Variants in PRIMA1 observed in about 807,000 individuals in gnomAD.
PRIMA1 encodes proline rich membrane anchor 1, also known as proline-rich membrane anchor 1.
A neutral mutation model predicts 17.5 loss-of-function variants in PRIMA1; 7 were observed. That is an observed-to-expected ratio of 0.40 (90% CI 0.23 to 0.75). The LOEUF is 0.75. PRIMA1 is among the 30% of genes least tolerant of loss of function. The probability of loss-of-function intolerance (pLI) is 0.37; values close to 1 mark genes in which losing one functional copy is unlikely to be tolerated. For synonymous variants in PRIMA1, 97 were observed against 77.9 expected (o/e 1.25, Z -1.29); for missense variants, 200 against 201.8 (o/e 0.99, Z 0.05).
chr14:93,725,357 C>G (rs2076068204), intron 4 of PRIMA1, among the ~76,000 whole-genome samples: 1 of 152,134 alleles, frequency 6.6e-6, no homozygotes, highest in African/African-American at 2.4e-5. Context: ...AGTCCCCAAC[C>G]ACTCTCCTGC....
At chr14:93,759,613 AG>A (rs2076314569) in intron 3 of PRIMA1, among the ~76,000 whole-genome samples, 1 of 151,960 alleles carries the variant, frequency 6.6e-6, no homozygotes, top group African/African-American at 2.4e-5. Flanking sequence ...CTAGAGAGGG[AG>A]GGGAGGGAAA....
intron 2 of PRIMA1, among the ~76,000 whole-genome samples, chr14:93,785,142 C>G (rs2141198803): frequency 6.9e-6 from 1 of 144,320 alleles, no homozygotes; most frequent in South Asian, 2.2e-4. Context: ...GAGACATACT[C>G]CTGTCACACC....
intron 3 of PRIMA1, among the ~76,000 whole-genome samples, chr14:93,763,400 A>C (rs1474370960): frequency 6.6e-6 from 1 of 151,870 alleles, no homozygotes; most frequent in African/African-American, 2.4e-5. Context: ...AGGCCAGCTC[A>C]CCCTTCTGAG....
chr14:93,747,214 T>A (rs2076223812), intron 3 of PRIMA1, among the ~76,000 whole-genome samples: 1 of 152,168 alleles, frequency 6.6e-6, no homozygotes, highest in East Asian at 1.9e-4. Context: ...GCCCAAGCCA[T>A]CCGGTCCTGC....
At chr14:93,730,022 C>A (rs2076103498) in intron 4 of PRIMA1, among the ~76,000 whole-genome samples, 1 of 152,126 alleles carries the variant, frequency 6.6e-6, no homozygotes, top group South Asian at 2.1e-4. Context: ...ATTTCACTCA[C>A]CCAGATAGAG....
intron 3 of PRIMA1, among the ~76,000 whole-genome samples, chr14:93,761,313 T>C (rs533080048): frequency 3.3e-5 from 5 of 152,260 alleles, no homozygotes; most frequent in African/African-American, 1.2e-4. Context: ...ATTGTGCCAC[T>C]GCACTCCACC....
chr14:93,730,852 G>A (rs2076109373), intron 4 of PRIMA1, among the ~76,000 whole-genome samples: 1 of 152,148 alleles, frequency 6.6e-6, no homozygotes, highest in Non-Finnish European at 1.5e-5. Flanking sequence ...CTAAGGAGAT[G>A]AAAGACTGGA....
intron 3 of PRIMA1, among the ~76,000 whole-genome samples, chr14:93,764,967 T>C (rs926296529): frequency 6.6e-5 from 10 of 152,278 alleles, no homozygotes; most frequent in African/African-American, 1.9e-4. Context: ...CTCTCAGGCA[T>C]GTATGCACCA....
At chr14:93,764,847 G>T (rs1437747583) in intron 3 of PRIMA1, among the ~76,000 whole-genome samples, 1 of 152,160 alleles carries the variant, frequency 6.6e-6, no homozygotes, top group African/African-American at 2.4e-5. Flanking sequence ...GTGCCTTCCA[G>T]CCACATATAT....
intron 4 of PRIMA1, 125 bp from the exon 5 acceptor site, chr14:93,721,671 G>T: frequency 1.5e-6 from 1 of 656,864 alleles, no homozygotes; most frequent in East Asian, 2.7e-5. Context: ...TCAGAAGGAA[G>T]CCAATGGCTC....
At chr14:93,788,946 C>T (rs1885614008), upstream of PRIMA1, among the ~76,000 whole-genome samples, 2 of 152,156 alleles carry the variant, frequency 1.3e-5, no homozygotes, top group African/African-American at 4.8e-5. Flanking sequence ...TCACGCTGGC[C>T]CGCGAGAGGC....
Position 93,721,418 on chromosome 14 carries a change from G to A in PRIMA1, c.*26C>T. 6.6e-7 allele frequency: 1 copy of A among 1,506,366 alleles called. No individual in the cohort carries two copies. Among genetic ancestry groups the A allele is most frequent in the East Asian group, 2.2e-5 (1 of 44,446 alleles). 93.3% of individuals were successfully genotyped at this position (1,506,366 alleles called of 1,614,324 possible). ...ACCAGTGCCACCAAGGTGTCCCTCT[G>A]GCCAGCGGGTCCAGGGCCTGCAGAC... On this transcript the variant is annotated 3_prime_UTR_variant, in exon 5 of 5. Coordinates refer to ENST00000393140, the MANE Select transcript of PRIMA1 (RefSeq NM_178013.4).
chr14:93,747,415 G>A (rs1459949034), intron 3 of PRIMA1, among the ~76,000 whole-genome samples: 1 of 152,178 alleles, frequency 6.6e-6, no homozygotes, highest in Non-Finnish European at 1.5e-5. Flanking sequence ...GAGAGAATGA[G>A]AGGAAATGGA....
intron 3 of PRIMA1, among the ~76,000 whole-genome samples, chr14:93,746,086 C>T (rs2076215601): frequency 6.6e-6 from 1 of 152,066 alleles, no homozygotes; most frequent in African/African-American, 2.4e-5. Context: ...CGGGCTCAGC[C>T]TAGGAGGTCG....
In PRIMA1 at chr14:93,787,706, C is replaced by T. The variant is rs1457017587; in HGVS notation, c.13G>A (p.Asp5Asn). The change falls in exon 2 of 5, where the codon GAC (aspartate) becomes AAC (asparagine). Residue 5 changes from aspartate to asparagine, a missense_variant. By Grantham distance (23) the Asp-to-Asn change is conservative (BLOSUM62 1). Coordinates refer to ENST00000393140, the MANE Select transcript of PRIMA1 (RefSeq NM_178013.4). MLLRDLVLRRGCCWS... is the reference protein window; with the variant it reads MLLRNLVLRRGCCWS... ...CAGCAGCCACGGCGCAGCACCAAGT[C>T]CCGGAGGAGCATCTCGGCCAGCGGC... The T allele has an allele frequency of 5.8e-6, 9 of 1,543,996 alleles. No homozygotes were observed. Among genetic ancestry groups the T allele is most frequent in the Non-Finnish European group, 7.0e-6 (8 of 1,146,646 alleles).
At chr14:93,773,984 C>T (rs1039875827) in intron 3 of PRIMA1, among the ~76,000 whole-genome samples, 1 of 151,990 alleles carries the variant, frequency 6.6e-6, no homozygotes, top group Non-Finnish European at 1.5e-5. Context: ...CCCAGCTACT[C>T]GGGAAGCTGA....
intron 3 of PRIMA1, among the ~76,000 whole-genome samples, chr14:93,737,593 CACTA>C (rs1326517880): frequency 6.6e-6 from 1 of 151,480 alleles, no homozygotes; most frequent in Non-Finnish European, 1.5e-5. Context: ...TCATGGGTGA[CACTA>C]ACAGAGGCGT....
At chr14:93,748,028 CTG>C (rs368653331) in intron 3 of PRIMA1, among the ~76,000 whole-genome samples, 2,797 of 91,498 alleles carry the variant, frequency 0.031, 87 homozygotes, top group African/African-American at 0.11. Flanking sequence ...GAGTGGGGGA[CTG>C]TGTGTGGGAG....
chr14:93,775,050 G>C (rs919189917), intron 3 of PRIMA1, among the ~76,000 whole-genome samples: 1 of 152,232 alleles, frequency 6.6e-6, no homozygotes, highest in Non-Finnish European at 1.5e-5. Context: ...TGCTGATGTG[G>C]ATAAGTCCCT....
Sources: gnomAD v4.1 joint callset for allele counts (sites outside exome capture counted in the v4.1 genomes callset) on GRCh38, gnomAD v4.1.1 for gene constraint, MANE v1.5 for transcripts, NCBI Gene and HGNC (gene_info 2026-07-23, HGNC 2026-07-21) for gene names.